ERCC6: variants seen among roughly 807,000 people sequenced by gnomAD.
ERCC6 encodes ERCC excision repair 6, chromatin remodeling factor, also known as DNA excision repair protein ERCC-6.
A neutral mutation model predicts 158.7 loss-of-function variants in ERCC6; 116 were observed. The observed-to-expected ratio is 0.73, with a 90% CI of 0.63 to 0.85. ERCC6 has a LOEUF of 0.85. Among genes scored for constraint, ERCC6 ranks in the 40% least tolerant of loss-of-function variants. The pLI is 0.00. For missense variants in ERCC6, 1,698 were observed against 1,799.4 expected, an observed-to-expected ratio of 0.94 and a Z score of 1.02; for synonymous variants, 678 against 659.3, an observed-to-expected ratio of 1.03 and a Z score of -0.43.
At chr10:49,511,577 A>G (rs972728572) in intron 5 of ERCC6, among the ~76,000 whole-genome samples, 1 of 152,028 alleles carries the variant, frequency 6.6e-6, no homozygotes, top group Admixed American at 6.5e-5. Context: ...GGCATGCGCC[A>G]CCATGTCCGG....
chr10:49,465,891 A>G (rs918938731), intron 18 of ERCC6, among the ~76,000 whole-genome samples: 2 of 152,270 alleles, frequency 1.3e-5, no homozygotes, highest in Middle Eastern at 3.4e-3. Context: ...ACAGACTAAC[A>G]CAGAAACACA....
chr10:49,440,655 C>G, the ERCC6 span, among the ~76,000 whole-genome samples: 1 of 152,194 alleles, frequency 6.6e-6, no homozygotes, highest in Non-Finnish European at 1.5e-5. Context: ...GTCATCATTG[C>G]AAAAGGCAGA....
intron 1 of ERCC6, among the ~76,000 whole-genome samples, chr10:49,537,973 C>T (rs755965783): frequency 2.6e-5 from 4 of 152,232 alleles, no homozygotes; most frequent in Non-Finnish European, 5.9e-5. Context: ...CCACCCACCT[C>T]GGCCTCCCAA....
intron 7 of ERCC6, among the ~76,000 whole-genome samples, chr10:49,496,883 T>C (rs1851275942): frequency 6.6e-6 from 1 of 152,234 alleles, no homozygotes; most frequent in Non-Finnish European, 1.5e-5. Context: ...GCTTGAAATA[T>C]TAAAAATCAT....
In ERCC6 at chr10:49,458,917, T is replaced by C. The variant is rs1850526839; in HGVS notation, c.4380A>G (p.Ala1460=). ...GTTCTCGGAAGACACAAGACTGTGA[T>C]GCAGATAACTTGGATTCAAACTCCT... is the stretch of plus-strand genomic sequence containing the variant. ...ILQEFESKLS[A]SQSCVFRELL... Residue 1460 remains alanine, a synonymous_variant, in exon 21 of 21, where the codon GCA becomes GCG. Coordinates refer to ENST00000355832, the MANE Select transcript of ERCC6 (RefSeq NM_000124.4). 1 of 1,614,216 alleles carries C rather than the reference T, an allele frequency of 6.2e-7. No individual in the cohort carries two copies. The highest frequency in any genetic ancestry group is 8.5e-7 in the Non-Finnish European group (1 of 1,180,030).
intron 6 of ERCC6, chr10:49,502,918 C>T (rs957193648): frequency 6.6e-6 from 1 of 151,570 alleles, no homozygotes; most frequent in Non-Finnish European, 1.5e-5. Context: ...AGAATAATCT[C>T]AACTTTTGAA....
At position 49,532,930 on chromosome 10, in the gene ERCC6, G is replaced by C; in HGVS notation, c.35C>G (p.Thr12Ser). ...PNEGIPHSSQ[T>S]QEQDCLQSQP... ...ACTCTGTAAACAGTCTTGCTCCTGA[G>C]TTTGACTTGAGTGGGGGATTCCCTC... Residue 12 changes from threonine (T) to serine (S), a missense_variant, in exon 2 of 21, where the codon ACT becomes AGT. Coordinates refer to ENST00000355832, the MANE Select transcript of ERCC6 (RefSeq NM_000124.4). The C allele has an allele frequency of 6.2e-7, 1 of 1,614,206 alleles. No homozygotes were observed. Among genetic ancestry groups the C allele is most frequent in the Non-Finnish European group, 8.5e-7 (1 of 1,180,042 alleles).
At chr10:49,436,966 T>A in the ERCC6 span, among the ~76,000 whole-genome samples, 1 of 152,196 alleles carries the variant, frequency 6.6e-6, no homozygotes, top group East Asian at 1.9e-4. Context: ...TTTGGCTGTG[T>A]CCCCACCAAA....
In ERCC6 at chr10:49,472,962, C is replaced by T. The variant is rs765252538; in HGVS notation, c.2776G>A (p.Ala926Thr). 1.2e-6 allele frequency: 2 copies of T among 1,614,096 alleles called. No individual in the cohort carries two copies. Among genetic ancestry groups the T allele is most frequent in the African/African-American group, 1.3e-5 (1 of 75,042 alleles). The part of the protein sequence containing the change: ...VGGLGVNLTG[A>T]NRVVIYDPDW... ...GGGTCATAGATGACAACTCTGTTTG[C>T]CCCCGTCAGGTTGACACCTAAGCCG... The change falls in exon 15 of 21, where the codon GCA becomes ACA. Residue 926 changes from alanine to threonine, a missense_variant. Ala to Thr is a moderately conservative substitution (Grantham distance 58). Transcript: ENST00000355832.
rs764842788 is a variant in ERCC6, at chr10:49,505,945, T to C, written c.1465A>G (p.Ser489Gly). 2 of 1,613,582 alleles carry C rather than the reference T, an allele frequency of 1.2e-6. No homozygotes were observed. The highest frequency in any genetic ancestry group is 1.7e-6 in the Non-Finnish European group (2 of 1,179,632). The change falls in exon 6 of 21, where the codon AGT (serine) becomes GGT (glycine). Residue 489 changes from serine (S) to glycine (G), a missense_variant. Ser to Gly is a moderately conservative substitution (Grantham distance 56). Transcript: ENST00000355832. ...RLKLEDDSEE[S>G]DAEFDEGFKV... ...AAACCTTCGTCAAATTCAGCATCAC[T>C]TTCCTCAGAATCGTCCTCCAGCTTC...
Position 49,459,095 on chromosome 10 carries a change from A to G in ERCC6, c.4202T>C (p.Leu1401Pro). The change falls in exon 21 of 21, where the codon CTG (leucine) becomes CCG (proline). Residue 1401 changes from leucine to proline, a missense_variant. Coordinates refer to ENST00000355832, the MANE Select transcript of ERCC6 (RefSeq NM_000124.4). ...AKMRARNHLI[L>P]PERLESESGH... ...GCTTTCACTTTCTAAACGCTCTGGC[A>G]GAATCAGGTGGTTTCTAGCTCTCAT... 1 of 1,614,236 alleles carries G rather than the reference A, an allele frequency of 6.2e-7. No homozygotes were observed. Among genetic ancestry groups the G allele is most frequent in the Non-Finnish European group, 8.5e-7 (1 of 1,180,042 alleles).
At chr10:49,451,768 G>C (rs1420639554), downstream of ERCC6, among the ~76,000 whole-genome samples, 32 of 152,178 alleles carry the variant, frequency 2.1e-4, no homozygotes, top group Non-Finnish European at 1.5e-5. Context: ...GCAATACTGG[G>C]AAGTACTCCC....
intron 19 of ERCC6, 109 bp from the exon 20 acceptor site, chr10:49,460,560 G>T: frequency 1.3e-6 from 1 of 795,052 alleles, no homozygotes; most frequent in Non-Finnish European, 2.2e-6. Flanking sequence ...CCATCTGCAT[G>T]CTTATTCTTT....
At chr10:49,488,479 C>T (rs1348336420) in intron 8 of ERCC6, 1 of 152,174 alleles carries the variant, frequency 6.6e-6, no homozygotes, top group African/African-American at 2.4e-5. Context: ...AATTTTACAA[C>T]ATACCTCGCA....
In ERCC6 at chr10:49,458,545, A is replaced by G. The variant is rs984682593; in HGVS notation, c.*270T>C. ...AGGAACAAATGTGCTCCAAGGAGTA[A>G]CTGTTAGGTACCTGATTTACAATAT... On this transcript the variant is annotated 3_prime_UTR_variant, in exon 21 of 21. Transcript: ENST00000355832. 4.5e-5 allele frequency: 19 copies of G among 425,142 alleles called. No homozygotes were observed. Among genetic ancestry groups the G allele is most frequent in the African/African-American group, 3.6e-4 (18 of 49,912 alleles). The allele number at this position is 425,142 out of a possible 1,614,324, so 26.3% of individuals were successfully genotyped here. A position where few individuals can be genotyped will look rare whatever the true frequency, so the allele number is the denominator to read the frequency against.
At position 49,513,831 on chromosome 10, in the gene ERCC6, T is replaced by C. The variant is rs186614117; in HGVS notation, c.1398-7819A>G. Among the ~76,000 whole-genome samples, 7 of 152,106 alleles carry C rather than the reference T, an allele frequency of 4.6e-5. No homozygotes were observed. In the East Asian group the frequency reaches 1.3e-3, roughly 29 times the overall value. On this transcript the variant is annotated intron_variant, in intron 5 of 20. Transcript: ENST00000355832. ...GGGACAGAAAGCCAAACCATATCAA[T>C]ACTATTGTTATTCTCTCTCTCTCTC...
intron 5 of ERCC6, among the ~76,000 whole-genome samples, chr10:49,519,169 G>T (rs189527812): frequency 6.6e-6 from 1 of 152,234 alleles, no homozygotes; most frequent in East Asian, 1.9e-4. Flanking sequence ...GCTATGTGTT[G>T]ATTTTTGGCA....
Position 49,473,601 on chromosome 10 carries a change from G to GGGGATA in ERCC6, c.2599-20_2599-15dup, listed in dbSNP as rs1564419696. The GGGGATA allele has an allele frequency of 2.0e-6, 3 of 1,473,092 alleles. No individual in the cohort carries two copies. In the South Asian group the frequency reaches 3.4e-5, roughly 17 times the overall value. The allele number at this position is 1,473,092 out of a possible 1,614,324, so 91.3% of individuals were successfully genotyped here. A position where few individuals can be genotyped will look rare whatever the true frequency, so the allele number is the denominator to read the frequency against. Reference sequence around the variant, plus strand: ...TATGTCCAGCATCTGTTTGGAGGTGGGGGATAGGAGTTTGCAAAGCAAATA... The same window carrying GGGGATA: ...TATGTCCAGCATCTGTTTGGAGGTGGGGGATAGGGATAGGAGTTTGCAAAGCAAATA... On this transcript the variant is annotated splice_polypyrimidine_tract_variant and intron_variant, in intron 13 of 20. Coordinates refer to ENST00000355832, the MANE Select transcript of ERCC6 (RefSeq NM_000124.4).
chr10:49,492,033 C>T (rs915828423), intron 8 of ERCC6, among the ~76,000 whole-genome samples: 4 of 152,184 alleles, frequency 2.6e-5, no homozygotes, highest in African/African-American at 9.7e-5. Context: ...ATTATCTTAT[C>T]CAGTTTATTT....
Sources: allele counts gnomAD v4.1 joint callset (sites outside exome capture counted in the v4.1 genomes callset), GRCh38; gene constraint gnomAD v4.1.1; transcripts MANE v1.5; gene names NCBI Gene and HGNC (gene_info 2026-07-23, HGNC 2026-07-21).